The following CACNA1E variants were observed in gnomAD, a reference collection of about 807,000 sequenced individuals.
CACNA1E encodes calcium voltage-gated channel subunit alpha1 E.
In CACNA1E, 40 loss-of-function variants were observed where a neutral mutation model predicts 259.2. The observed-to-expected ratio is 0.15, with a 90% CI of 0.12 to 0.20. The LOEUF (loss-of-function observed/expected upper bound fraction) is 0.20, where lower values mean the gene tolerates loss of function less well. Ranked by LOEUF, CACNA1E falls within the 10% of genes least tolerant of loss-of-function variation. The pLI, the probability that CACNA1E is intolerant of heterozygous loss-of-function variation, is 1.00. For synonymous variants in CACNA1E, 1,104 were observed against 1,138.5 expected (o/e 0.97, Z 0.61); for missense variants, 1,874 against 3,040.1 (o/e 0.62, Z 9.02).
chr1:181,696,217 CT>C (rs370452246), intron 7 of CACNA1E, among the ~76,000 whole-genome samples: 18,342 of 145,770 alleles, frequency 0.13, 1,073 homozygotes, highest in Admixed American at 0.17. Flanking sequence ...TAACATATAT[CT>C]TTTTTTTTTT....
Position 181,651,371 on chromosome 1 carries a change from C to T in CACNA1E, c.985C>T (p.Leu329=), listed in dbSNP as rs756614242. ...TGCCTTAGGAGCCACCTGGAATTGGCTGTACTTCATCCCCCTCATCATCAT... is the reference window on the plus strand; with the variant it reads ...TGCCTTAGGAGCCACCTGGAATTGGTTGTACTTCATCCCCCTCATCATCAT... ...NDALGATWNW[L]YFIPLIIIGS... The change falls in exon 7 of 48, where the codon CTG becomes TTG. Residue 329 remains leucine, a synonymous_variant. Transcript: ENST00000367573. 3 of 1,613,748 alleles carry T rather than the reference C, an allele frequency of 1.9e-6. No homozygotes were observed. Among genetic ancestry groups the T allele is most frequent in the Non-Finnish European group, 2.5e-6 (3 of 1,179,690 alleles).
chr1:181,768,883 G>A lies in CACNA1E; in HGVS notation c.4881+2272G>A, dbSNP rs183915383. 4.6e-5 allele frequency among the ~76,000 whole-genome samples: 7 copies of A among 152,306 alleles called. No homozygotes were observed. The East Asian group carries it at 9.6e-4, about 21-fold the overall frequency. ...TGAGGGATCTGTACAAATAATAAACGCAAGGGCAGAGACAAGCTTTTGGAA... is the reference window on the plus strand; with the variant it reads ...TGAGGGATCTGTACAAATAATAAACACAAGGGCAGAGACAAGCTTTTGGAA... On this transcript the variant is annotated intron_variant, in intron 35 of 47. Coordinates refer to ENST00000367573, the MANE Select transcript of CACNA1E (RefSeq NM_001205293.3).
intron 1 of CACNA1E, among the ~76,000 whole-genome samples, chr1:181,346,611 G>T (rs1652610413): frequency 6.6e-6 from 1 of 152,160 alleles, no homozygotes; most frequent in Admixed American, 6.5e-5. Context: ...CTGGGGCAGG[G>T]TTCCATTCCC....
intron 1 of CACNA1E, among the ~76,000 whole-genome samples, chr1:181,400,910 C>T (rs79476427): frequency 0.014 from 2,120 of 152,298 alleles, 36 homozygotes; most frequent in African/African-American, 0.049. Context: ...TGCTCTCCCA[C>T]GGTCTGTCCT....
chr1:181,464,600 C>CT (rs776645859), intron 2 of CACNA1E, among the ~76,000 whole-genome samples: 2,618 of 132,728 alleles, frequency 0.02, 51 homozygotes, highest in African/African-American at 0.055. Flanking sequence ...CTGTGAGTGG[C>CT]TTTTTTTTTT....
At chr1:181,351,059 G>C (rs1240730260) in intron 1 of CACNA1E, among the ~76,000 whole-genome samples, 1 of 152,226 alleles carries the variant, frequency 6.6e-6, no homozygotes, top group Non-Finnish European at 1.5e-5. Context: ...ACTGGGTTAG[G>C]AAAAGACCCT....
intron 25 of CACNA1E, among the ~76,000 whole-genome samples, chr1:181,743,482 C>T (rs1353289973): frequency 1.3e-5 from 2 of 152,218 alleles, no homozygotes; most frequent in Non-Finnish European, 2.9e-5. Context: ...CATTCCCCTG[C>T]TTTGGGGGAC....
chr1:181,590,328 GC>G (rs937087539), intron 6 of CACNA1E, among the ~76,000 whole-genome samples: 4 of 150,154 alleles, frequency 2.7e-5, no homozygotes, highest in Non-Finnish European at 4.4e-5. Flanking sequence ...TCCACCTTGA[GC>G]CCCATTGTCT....
intron 6 of CACNA1E, among the ~76,000 whole-genome samples, chr1:181,613,624 G>C (rs746825727): frequency 1.3e-5 from 2 of 152,072 alleles, no homozygotes; most frequent in African/African-American, 4.8e-5. Flanking sequence ...TCCCTTCAAG[G>C]CTTGGGGGTT....
At chr1:181,694,620 G>A (rs1057092423) in intron 7 of CACNA1E, among the ~76,000 whole-genome samples, 7 of 152,186 alleles carry the variant, frequency 4.6e-5, no homozygotes, top group Non-Finnish European at 8.8e-5. Context: ...GCCCTTGCAA[G>A]ATACAACCCG....
upstream of CACNA1E, among the ~76,000 whole-genome samples, chr1:181,478,659 G>A (rs1009865606): frequency 6.6e-5 from 10 of 152,214 alleles, no homozygotes; most frequent in Non-Finnish European, 1.3e-4. Flanking sequence ...GAAGATGAAG[G>A]AGCAGGCCTG....
At chr1:181,636,713 A>T (rs920376467) in intron 6 of CACNA1E, among the ~76,000 whole-genome samples, 4 of 152,274 alleles carry the variant, frequency 2.6e-5, no homozygotes, top group Admixed American at 2.6e-4. Context: ...CTTGTTTTGG[A>T]GGAGGGAGGG....
chr1:181,798,435 C>G lies in CACNA1E; in HGVS notation c.6543C>G (p.Ser2181Arg). ...GCTCCCTGATTCGACACGCGGGCAG[C>G]ATCTCTCCACCTGCTGATGGAAGCG... Reference protein sequence around the residue: ...SYSSLIRHAGSISPPADGSEE... With the variant: ...SYSSLIRHAGRISPPADGSEE... Residue 2181 changes from serine to arginine, a missense_variant, in exon 48 of 48, where the codon AGC becomes AGG. By Grantham distance (110) the Ser-to-Arg change is moderately radical. Coordinates refer to ENST00000367573, the MANE Select transcript of CACNA1E (RefSeq NM_001205293.3). The surrounding 1 kb of genome is among the most constrained non-coding windows in gnomAD (Gnocchi z 4.2). 1 of 1,613,796 alleles carries G rather than the reference C, an allele frequency of 6.2e-7. No homozygotes were observed. Among genetic ancestry groups the G allele is most frequent in the African/African-American group, 1.3e-5 (1 of 75,036 alleles).
intron 18 of CACNA1E, 88 bp from the exon 19 acceptor site, chr1:181,731,087 G>A: frequency 9.8e-7 from 1 of 1,022,556 alleles, no homozygotes; most frequent in Non-Finnish European, 1.5e-6. Context: ...AGGACTCCCT[G>A]TCTCCCTCTG....
chr1:181,745,991 G>A (rs978944208), intron 25 of CACNA1E, among the ~76,000 whole-genome samples: 1 of 152,168 alleles, frequency 6.6e-6, no homozygotes, highest in African/African-American at 2.4e-5. Flanking sequence ...TGAGGAGCTC[G>A]TTGAGGTCCA....
chr1:181,343,520 A>G (rs893671495), intron 1 of CACNA1E, among the ~76,000 whole-genome samples: 2 of 152,046 alleles, frequency 1.3e-5, no homozygotes, highest in Admixed American at 6.5e-5. Flanking sequence ...AGCTTCCTGA[A>G]GCCCTCACCA....
chr1:181,535,737 G>A (rs1668121556), intron 3 of CACNA1E, among the ~76,000 whole-genome samples: 1 of 150,910 alleles, frequency 6.6e-6, no homozygotes, highest in Admixed American at 6.6e-5. Flanking sequence ...GCCCAGGCTG[G>A]AGTGCAACAG....
At chr1:181,790,307 TA>T in intron 43 of CACNA1E, 137 bp from the exon 44 acceptor site, 1 of 436,908 alleles carries the variant, frequency 2.3e-6, no homozygotes. Context: ...TTTTTTTTTT[TA>T]ATTTCAGGAC....
intron 1 of CACNA1E, among the ~76,000 whole-genome samples, chr1:181,356,405 A>C (rs1349881755): frequency 1.3e-5 from 2 of 152,096 alleles, no homozygotes; most frequent in Non-Finnish European, 2.9e-5. Flanking sequence ...CCCTATATCA[A>C]CTGTTTGCTC....
Sources: allele counts gnomAD v4.1 joint callset (sites outside exome capture counted in the v4.1 genomes callset), GRCh38; gene constraint gnomAD v4.1.1; non-coding constraint Gnocchi (gnomAD v3.1); transcripts MANE v1.5; gene names NCBI Gene and HGNC (gene_info 2026-07-23, HGNC 2026-07-21).